The following CSMD1 variants were observed in gnomAD, a reference collection of about 807,000 sequenced individuals.
CSMD1 encodes CUB and Sushi multiple domains 1.
In CSMD1, 213 loss-of-function variants were observed where a neutral mutation model predicts 417.5. The ratio of observed to expected loss-of-function variants is 0.51; its 90% CI spans 0.46 to 0.57. CSMD1 has a LOEUF of 0.57. CSMD1 is among the 20% of genes least tolerant of loss of function. The pLI is 0.00. For missense variants in CSMD1, 6,923 were observed against 4,529.7 expected, an observed-to-expected ratio of 1.53 and a Z score of -15.17; for synonymous variants, 2,862 against 1,736.8, an observed-to-expected ratio of 1.65 and a Z score of -16.11.
chr8:3,156,986 C>CAAAAAA (rs869173951), intron 39 of CSMD1, among the ~76,000 whole-genome samples: 1 of 64,444 alleles, frequency 1.6e-5, no homozygotes, highest in Non-Finnish European at 3.3e-5. Context: ...GTTGTTTAGA[C>CAAAAAA]AAAAAAAAAA....
intron 39 of CSMD1, among the ~76,000 whole-genome samples, chr8:3,157,053 G>C (rs867238249): frequency 3.3e-5 from 5 of 150,906 alleles, no homozygotes; most frequent in Non-Finnish European, 5.9e-5. Context: ...AGATCCAGGA[G>C]AACAACAATA....
chr8:4,973,339 T>A (rs979784701), intron 1 of CSMD1, among the ~76,000 whole-genome samples: 1 of 152,218 alleles, frequency 6.6e-6, no homozygotes, highest in African/African-American at 2.4e-5. Flanking sequence ...ATAGAGTTCA[T>A]TGAACAAACA....
At chr8:4,843,079 A>G (rs1036007261) in intron 1 of CSMD1, among the ~76,000 whole-genome samples, 8 of 152,232 alleles carry the variant, frequency 5.3e-5, no homozygotes, top group African/African-American at 1.7e-4. Flanking sequence ...AAAGCTAAAT[A>G]TAACCAGACT....
chr8:4,570,563 G>A (rs552468022), intron 2 of CSMD1, among the ~76,000 whole-genome samples: 150 of 152,202 alleles, frequency 9.9e-4, no homozygotes, highest in African/African-American at 3.4e-3. Context: ...TTTTCACATC[G>A]ATGTTCATCG....
At chr8:3,298,328 G>C (rs957761664) in intron 25 of CSMD1, among the ~76,000 whole-genome samples, 2 of 152,164 alleles carry the variant, frequency 1.3e-5, no homozygotes, top group Admixed American at 6.5e-5. Context: ...AACTGCATCA[G>C]AACCATCCAA....
chr8:4,464,294 A>G (rs1451739403), intron 2 of CSMD1, among the ~76,000 whole-genome samples: 1 of 152,042 alleles, frequency 6.6e-6, no homozygotes, highest in Non-Finnish European at 1.5e-5. Context: ...TTATGTATGC[A>G]TGCAATGGAC....
chr8:4,503,119 T>G (rs569076867), intron 2 of CSMD1, among the ~76,000 whole-genome samples: 1 of 152,308 alleles, frequency 6.6e-6, no homozygotes, highest in African/African-American at 2.4e-5. Context: ...TAGAGAACTA[T>G]GTGTAATGGA....
At position 4,838,522 on chromosome 8, in the gene CSMD1, C is replaced by A. The variant is rs185090944; in HGVS notation, c.85+155810G>T. On this transcript the variant is annotated intron_variant, in intron 1 of 69. Transcript: ENST00000635120. ...GTCTCATAACTTTCCCTTGATGGGG[C>A]AAAGCATTTACTCCGCTTTTACCTG... Among the ~76,000 whole-genome samples, 86 of 152,312 alleles carry A rather than the reference C, an allele frequency of 5.6e-4. No individual in the cohort carries two copies. The Middle Eastern group carries it at 0.02, about 36-fold the overall frequency.
At chr8:3,496,248 G>T (rs746392092) in intron 10 of CSMD1, among the ~76,000 whole-genome samples, 1 of 152,166 alleles carries the variant, frequency 6.6e-6, no homozygotes, top group African/African-American at 2.4e-5. Context: ...GTCCAAGAAA[G>T]CCAGTCTCTT....
At chr8:4,812,856 T>C (rs1316929377) in intron 1 of CSMD1, among the ~76,000 whole-genome samples, 5 of 152,234 alleles carry the variant, frequency 3.3e-5, no homozygotes, top group South Asian at 2.1e-4. Flanking sequence ...GTTATTGATA[T>C]GTTATCGCTA....
At chr8:4,728,364 T>A (rs1256449710) in intron 1 of CSMD1, among the ~76,000 whole-genome samples, 1 of 151,998 alleles carries the variant, frequency 6.6e-6, no homozygotes, top group Non-Finnish European at 1.5e-5. Context: ...TTGGTCCTCA[T>A]TACATGATAT....
At chr8:4,164,038 T>G (rs953503552) in intron 3 of CSMD1, among the ~76,000 whole-genome samples, 2 of 152,194 alleles carry the variant, frequency 1.3e-5, no homozygotes, top group Non-Finnish European at 2.9e-5. Context: ...TTGGTACATG[T>G]GTCATTCCCT....
At chr8:4,859,630 G>A (rs1458538744) in intron 1 of CSMD1, among the ~76,000 whole-genome samples, 14 of 152,024 alleles carry the variant, frequency 9.2e-5, no homozygotes, top group African/African-American at 3.1e-4. Context: ...AAAAGAAGAC[G>A]TTTATACAGC....
intron 12 of CSMD1, among the ~76,000 whole-genome samples, chr8:3,427,430 A>G (rs926485096): frequency 6.6e-6 from 1 of 152,192 alleles, no homozygotes; most frequent in Non-Finnish European, 1.5e-5. Context: ...AACAATATGT[A>G]ATGATTCCAC....
intron 51 of CSMD1, among the ~76,000 whole-genome samples, chr8:3,019,627 T>C (rs1043945402): frequency 2.1e-4 from 32 of 152,196 alleles, no homozygotes; most frequent in African/African-American, 7.7e-4. Flanking sequence ...AACTAGACCT[T>C]AACTGGGTGT....
At chr8:3,299,069 A>C (rs1174418037) in intron 25 of CSMD1, among the ~76,000 whole-genome samples, 1 of 152,222 alleles carries the variant, frequency 6.6e-6, no homozygotes. Flanking sequence ...ACTTAAATGT[A>C]GGTAAGTGTC....
At chr8:3,090,574 C>G (rs961898495) in intron 48 of CSMD1, among the ~76,000 whole-genome samples, 2 of 152,108 alleles carry the variant, frequency 1.3e-5, no homozygotes, top group African/African-American at 4.8e-5. Context: ...CTTACAACTG[C>G]TGTTTTAACA....
At chr8:3,375,572 A>C (rs1810256824) in intron 18 of CSMD1, among the ~76,000 whole-genome samples, 1 of 152,120 alleles carries the variant, frequency 6.6e-6, no homozygotes, top group Non-Finnish European at 1.5e-5. Context: ...TTTTATGAAT[A>C]AATATGTTGT....
intron 1 of CSMD1, among the ~76,000 whole-genome samples, chr8:4,884,476 T>C (rs1451633533): frequency 2.0e-5 from 3 of 152,016 alleles, no homozygotes; most frequent in Non-Finnish European, 2.9e-5. Context: ...TAGAGATTCA[T>C]GCCTGTGTTT....
Sources: allele counts gnomAD v4.1 joint callset (sites outside exome capture counted in the v4.1 genomes callset), GRCh38; gene constraint gnomAD v4.1.1; transcripts MANE v1.5; gene names NCBI Gene and HGNC (gene_info 2026-07-23, HGNC 2026-07-21).